CUBN: variants seen among roughly 807,000 people sequenced by gnomAD.
CUBN encodes the protein 460 kDa receptor.
Under a neutral mutation model 405.3 loss-of-function variants are expected in CUBN, and 282 were observed. The observed-to-expected ratio is 0.70, with a 90% confidence interval of 0.63 to 0.77. The LOEUF is 0.77. Ranked by LOEUF, CUBN falls within the 30% of genes least tolerant of loss-of-function variation. The pLI, the probability that CUBN is intolerant of heterozygous loss-of-function variation, is 0.00. For synonymous variants in CUBN, 1,684 were observed against 1,617.0 expected, an observed-to-expected ratio of 1.04 and a Z score of -0.99; for missense variants, 4,514 against 4,475.2, an observed-to-expected ratio of 1.01 and a Z score of -0.25.
At chr10:16,934,489 T>C (rs1842446073) in intron 39 of CUBN, among the ~76,000 whole-genome samples, 3 of 152,220 alleles carry the variant, frequency 2.0e-5, no homozygotes, top group African/African-American at 2.4e-5. Context: ...CAATTTCACA[T>C]GGAAAATCTG....
chr10:17,006,708 T>A (rs2131750191), intron 28 of CUBN, among the ~76,000 whole-genome samples: 1 of 152,314 alleles, frequency 6.6e-6, no homozygotes, highest in South Asian at 2.1e-4. Context: ...CCACAGGTAG[T>A]CAAGAAGGCA....
chr10:17,117,089 A>G (rs1588654109), intron 6 of CUBN, among the ~76,000 whole-genome samples: 1 of 152,194 alleles, frequency 6.6e-6, no homozygotes, highest in South Asian at 2.1e-4. Flanking sequence ...ATAACAATAA[A>G]TGATTAAAAT....
chr10:16,927,450 C>T (rs1418483789), intron 41 of CUBN, among the ~76,000 whole-genome samples: 1 of 152,130 alleles, frequency 6.6e-6, no homozygotes, highest in East Asian at 1.9e-4. Flanking sequence ...CAGTTGCTCC[C>T]TACTTTATAA....
At chr10:17,085,145 C>T (rs375903100) in intron 16 of CUBN, among the ~76,000 whole-genome samples, 7 of 152,236 alleles carry the variant, frequency 4.6e-5, no homozygotes, top group African/African-American at 1.7e-4. Flanking sequence ...AACTGAGGTC[C>T]TAACAGCTAA....
At chr10:17,029,376 A>G (rs1205943521) in intron 27 of CUBN, among the ~76,000 whole-genome samples, 3 of 152,248 alleles carry the variant, frequency 2.0e-5, no homozygotes, top group Non-Finnish European at 4.4e-5. Flanking sequence ...AAAAAATCAC[A>G]TTTTACTCAG....
chr10:17,055,981 T>C (rs1835386224), intron 22 of CUBN, among the ~76,000 whole-genome samples: 1 of 152,084 alleles, frequency 6.6e-6, no homozygotes, highest in Admixed American at 6.6e-5. Flanking sequence ...TAAGTACCAA[T>C]CTAGAGGTTT....
At chr10:17,018,555 G>A (rs1834405483) in intron 28 of CUBN, among the ~76,000 whole-genome samples, 1 of 152,162 alleles carries the variant, frequency 6.6e-6, no homozygotes, top group African/African-American at 2.4e-5. Context: ...AGAGTGAGCA[G>A]CAGCAAGATT....
intron 14 of CUBN, among the ~76,000 whole-genome samples, chr10:17,096,610 C>A (rs922342331): frequency 3.3e-5 from 5 of 151,766 alleles, no homozygotes; most frequent in Non-Finnish European, 7.4e-5. Context: ...TTTTTTAAAT[C>A]AGTAAAGAAA....
chr10:16,939,042 T>C lies in CUBN; in HGVS notation c.5654A>G (p.Asn1885Ser). 2 of 1,613,768 alleles carry C rather than the reference T, an allele frequency of 1.2e-6. No individual in the cohort carries two copies. The highest frequency in any genetic ancestry group is 2.2e-5 in the East Asian group (1 of 44,868). ...NSNYQWTVNVNASHVVHGRIL... is the reference protein window; with the variant it reads ...NSNYQWTVNVSASHVVHGRIL... ...TCTACCATGGACAACGTGAGATGCA[T>C]TCACATTTACTGTCCATTGGTAATT... Residue 1885 changes from asparagine (N) to serine (S), a missense_variant, in exon 38 of 67, where the codon AAT (asparagine) becomes AGT (serine). Coordinates refer to ENST00000377833, the MANE Select transcript of CUBN (RefSeq NM_001081.4).
At chr10:16,855,120 CCTTT>C (rs1289036977) in intron 59 of CUBN, among the ~76,000 whole-genome samples, 1 of 127,220 alleles carries the variant, frequency 7.9e-6, no homozygotes, top group Non-Finnish European at 1.6e-5. Flanking sequence ...TTCCTTCCTT[CCTTT>C]CTTCTAGATG....
chr10:17,118,721 G>T (rs1409516699), intron 6 of CUBN, among the ~76,000 whole-genome samples: 1 of 152,210 alleles, frequency 6.6e-6, no homozygotes, highest in African/African-American at 2.4e-5. Context: ...ACAGGTGTGA[G>T]CCACCGTGCC....
At position 17,071,519 on chromosome 10, in the gene CUBN, C is replaced by A. The variant is rs1227907542; in HGVS notation, c.2532G>T (p.Trp844Cys). ...CTTGGCTTTGGGGCTGGTGGATGGT[C>A]CACCTACAGGTTCTTTCTCCAGGAT... ...NVYPGERTCR[W>C]TIHQPQSQVI... Residue 844 changes from tryptophan (W) to cysteine (C), a missense_variant, in exon 19 of 67, where the codon TGG becomes TGT. Trp to Cys is a radical substitution (Grantham distance 215). This residue lies in a region of CUBN where 1,448 missense variants were observed against 1,388.0 expected (regional missense o/e 1.04). Transcript: ENST00000377833. 4 of 1,613,766 alleles carry A rather than the reference C, an allele frequency of 2.5e-6. No individual in the cohort carries two copies. Among genetic ancestry groups the A allele is most frequent in the Non-Finnish European group, 3.4e-6 (4 of 1,179,928 alleles).
At chr10:17,086,725 T>C (rs1055079835) in intron 15 of CUBN, among the ~76,000 whole-genome samples, 1 of 152,210 alleles carries the variant, frequency 6.6e-6, no homozygotes, top group Non-Finnish European at 1.5e-5. Flanking sequence ...GTCAATTTTG[T>C]CTATTCAAAT....
At chr10:16,961,558 G>A (rs1022182987) in intron 31 of CUBN, among the ~76,000 whole-genome samples, 3 of 152,070 alleles carry the variant, frequency 2.0e-5, no homozygotes, top group Admixed American at 6.5e-5. Flanking sequence ...TCTAAAGAAC[G>A]GTAATGTGGG....
intron 22 of CUBN, among the ~76,000 whole-genome samples, chr10:17,060,133 T>C (rs982778840): frequency 6.6e-6 from 1 of 152,118 alleles, no homozygotes. Context: ...TCTTTTTCTT[T>C]TTTTTTTCAT....
intron 4 of CUBN, among the ~76,000 whole-genome samples, chr10:17,125,975 T>C (rs900814902): frequency 2.0e-5 from 3 of 152,194 alleles, no homozygotes. Context: ...CTTGCCAGAA[T>C]GGTGGGACCT....
chr10:16,971,319 A>G (rs7079029), intron 31 of CUBN, among the ~76,000 whole-genome samples: 16,504 of 152,220 alleles, frequency 0.11, 1,583 homozygotes, highest in African/African-American at 0.25. Context: ...CTGGCTGTAA[A>G]GATAGAGGGC....
chr10:17,030,355 C>A (rs1167584000), intron 27 of CUBN, among the ~76,000 whole-genome samples: 1 of 139,776 alleles, frequency 7.2e-6, no homozygotes, highest in Non-Finnish European at 1.5e-5. Context: ...AGATTGGGGT[C>A]TCCTGCTTCA....
intron 54 of CUBN, 37 bp from the exon 55 acceptor site, chr10:16,890,564 G>A (rs368916539): frequency 1.9e-6 from 3 of 1,611,818 alleles, no homozygotes; most frequent in African/African-American, 1.3e-5. Flanking sequence ...ATGCTCAAGG[G>A]TTTCCCATCA....
Sources: gnomAD v4.1 joint callset for allele counts (sites outside exome capture counted in the v4.1 genomes callset) on GRCh38, gnomAD v4.1.1 for gene constraint, gnomAD v4.1.1 regional missense constraint, MANE v1.5 for transcripts, NCBI Gene and HGNC (gene_info 2026-07-23, HGNC 2026-07-21) for gene names.